Variants in FCHSD1 observed in about 807,000 individuals in gnomAD.
The protein encoded by FCHSD1 is F-BAR and double SH3 domains protein 1.
FCHSD1 carries 109 observed loss-of-function variants against 101.3 expected under a neutral mutation model. The observed-to-expected ratio is 1.08, with a 90% CI of 0.92 to 1.26. FCHSD1 has a LOEUF of 1.26. FCHSD1 is among the 50% of genes most tolerant of loss of function. The pLI is 0.00. For synonymous variants in FCHSD1, 291 were observed against 356.8 expected, an observed-to-expected ratio of 0.82 and a Z score of 2.08; for missense variants, 820 against 895.8, an observed-to-expected ratio of 0.92 and a Z score of 1.08.
rs748099162 is a variant in FCHSD1 at position 141,639,475 on chromosome 5, C to T, written c.*2023G>A. The T allele has an allele frequency of 6.2e-7, 1 of 1,611,494 alleles. No individual in the cohort carries two copies. The highest frequency in any genetic ancestry group is 1.3e-5 in the African/African-American group (1 of 74,832). ...TCCCTGCTGTCCAGTGTGGATGCCACCTCCAGCCTGCAGGACGGAGCCCCC... is the reference window on the plus strand; with the variant it reads ...TCCCTGCTGTCCAGTGTGGATGCCATCTCCAGCCTGCAGGACGGAGCCCCC... On this transcript the variant is annotated 3_prime_UTR_variant, in exon 20 of 20. Transcript: ENST00000435817. This position sits in a 1 kb window ranked among gnomAD's most constrained non-coding sequence, Gnocchi z 4.4.
chr5:141,647,368 G>C (rs776277868), intron 9 of FCHSD1, 30 bp downstream of exon 9: 2 of 1,577,516 alleles, frequency 1.3e-6, no homozygotes, highest in African/African-American at 1.4e-5. Context: ...AAGGATCCCC[G>C]GGGAAGCTCT....
At chr5:141,643,315 C>T (rs468650) in intron 17 of FCHSD1, among the ~76,000 whole-genome samples, 26,326 of 151,850 alleles carry the variant, frequency 0.17, 2,868 homozygotes, top group African/African-American at 0.31. Flanking sequence ...TCACGTGTAC[C>T]AATTCATTCA....
At chr5:141,644,514 A>T (rs1241400555) in intron 16 of FCHSD1, 59 bp downstream of exon 16, 4 of 1,608,546 alleles carry the variant, frequency 2.5e-6, no homozygotes, top group Non-Finnish European at 3.4e-6. Flanking sequence ...CAGGGCTACA[A>T]CCCCTAACAA....
chr5:141,640,928 G>A lies in FCHSD1; in HGVS notation c.*570C>T. On this transcript the variant is annotated 3_prime_UTR_variant, in exon 20 of 20. Transcript: ENST00000435817. ...TCCATATGATAGAGCGTGGCAGCTG[G>A]GAGCAGGCCCCTGCCCGTGGTGGGC... is the stretch of plus-strand genomic sequence containing the variant. 3.8e-6 allele frequency: 2 copies of A among 525,992 alleles called. No homozygotes were observed. The highest frequency in any genetic ancestry group is 3.4e-6 in the Non-Finnish European group (1 of 298,500). The allele number at this position is 525,992 out of a possible 1,614,324, so 32.6% of individuals were successfully genotyped here. A position where few individuals can be genotyped will look rare whatever the true frequency, so the allele number is the denominator to read the frequency against.
chr5:141,647,253 G>C (rs1254200204), intron 9 of FCHSD1, 23 bp from the exon 10 acceptor site: 1 of 1,591,206 alleles, frequency 6.3e-7, no homozygotes, highest in Admixed American at 1.8e-5. Context: ...AAAAGTCAAA[G>C]TCACTCATTC....
chr5:141,646,305 A>G (rs949176321), intron 11 of FCHSD1, 114 bp from the exon 12 acceptor site: 4 of 1,083,108 alleles, frequency 3.7e-6, no homozygotes, highest in Admixed American at 2.0e-5. Flanking sequence ...AATCTTCCCT[A>G]TGAGGTGGGT....
At chr5:141,644,025 A>AC (rs893502990) in intron 17 of FCHSD1, among the ~76,000 whole-genome samples, 193 bp downstream of exon 17, 9 of 151,858 alleles carry the variant, frequency 5.9e-5, no homozygotes, top group African/African-American at 9.7e-5. Flanking sequence ...CTAAAGTAGG[A>AC]CCCCCCAAAC....
chr5:141,644,658 G>C lies in FCHSD1; in HGVS notation c.1557C>G (p.Val519=). 3 of 1,613,922 alleles carry C rather than the reference G, an allele frequency of 1.9e-6. No individual in the cohort carries two copies. The highest frequency in any genetic ancestry group is 2.5e-6 in the Non-Finnish European group (3 of 1,179,858). ...CCGGGAAGTTGAGATATCGCTCAGG[G>C]ACAAAGCCTACCTCGCCGTGCTGGT... ...ARNQHGEVGF[V]PERYLNFPDL... is the part of the protein sequence containing the mutation. Residue 519 remains valine, a synonymous_variant, in exon 16 of 20, where the codon GTC becomes GTG. Coordinates refer to ENST00000435817, the MANE Select transcript of FCHSD1 (RefSeq NM_033449.3).
rs374637225 is a variant in FCHSD1 at position 141,649,952 on chromosome 5, T to G, written c.168A>C (p.Ala56=). ...GGAATGGGCCAGCCAGTTTCTGGAG[T>G]GCCTGGTGAAAAAGCCATCACAGAA... is the stretch of plus-strand genomic sequence containing the variant. ...RAAIEREYGQ[A]LQKLAGPFLK... Residue 56 remains alanine, a splice_region_variant and synonymous_variant, in exon 4 of 20, where the codon GCA becomes GCC. Transcript: ENST00000435817. This position sits in a 1 kb window ranked among gnomAD's most constrained non-coding sequence, Gnocchi z 4.1. 1 of 1,541,134 alleles carries G rather than the reference T, an allele frequency of 6.5e-7. No individual in the cohort carries two copies. Among genetic ancestry groups the G allele is most frequent in the Non-Finnish European group, 8.7e-7 (1 of 1,145,270 alleles).
Position 141,646,727 on chromosome 5 carries a change from ATGGGTC to A in FCHSD1, c.925-11_925-6del. On this transcript the variant is annotated splice_region_variant and splice_polypyrimidine_tract_variant and intron_variant, in intron 10 of 19. Coordinates refer to ENST00000435817, the MANE Select transcript of FCHSD1 (RefSeq NM_033449.3). The stretch of plus-strand genomic sequence containing the variant: ...TCCCCACTCCAGGACACACACCTGA[ATGGGTC>A]AGGGGGTGCTGTGAGGAGGACCTGA... The A allele has an allele frequency of 6.2e-7, 1 of 1,611,998 alleles. No homozygotes were observed. Among genetic ancestry groups the A allele is most frequent in the Middle Eastern group, 1.7e-4 (1 of 6,060 alleles).
Position 141,648,046 on chromosome 5 carries a change from A to G in FCHSD1, c.627T>C (p.Asn209=), listed in dbSNP as rs374341297. 1.2e-6 allele frequency: 2 copies of G among 1,613,608 alleles called. No individual in the cohort carries two copies. Among genetic ancestry groups the G allele is most frequent in the East Asian group, 4.5e-5 (2 of 44,870 alleles). The change falls in exon 8 of 20, where the codon AAT becomes AAC. Residue 209 remains asparagine (N), a synonymous_variant. Transcript: ENST00000435817. The part of the protein sequence containing the change: ...QYSQQLQAAR[N]EYLLNLVATN... ...TAGCCACCAAGTTAAGCAGGTACTC[A>G]TTGCGGGCTGCTTGCAGCTGCTGGG...
chr5:141,648,045 C>T lies in FCHSD1; in HGVS notation c.628G>A (p.Glu210Lys). ...GTAGCCACCAAGTTAAGCAGGTACTCATTGCGGGCTGCTTGCAGCTGCTGG... is the reference window on the plus strand; with the variant it reads ...GTAGCCACCAAGTTAAGCAGGTACTTATTGCGGGCTGCTTGCAGCTGCTGG... ...YSQQLQAARN[E>K]YLLNLVATNA... is the part of the protein sequence containing the mutation. The change falls in exon 8 of 20, where the codon GAG (glutamate) becomes AAG (lysine). Residue 210 changes from glutamate (E) to lysine (K), a missense_variant. By Grantham distance (56) the Glu-to-Lys change is moderately conservative. Coordinates refer to ENST00000435817, the MANE Select transcript of FCHSD1 (RefSeq NM_033449.3). 4 of 1,613,602 alleles carry T rather than the reference C, an allele frequency of 2.5e-6. No individual in the cohort carries two copies. The highest frequency in any genetic ancestry group is 3.4e-6 in the Non-Finnish European group (4 of 1,179,728).
At position 141,646,182 on chromosome 5, in the gene FCHSD1, G is replaced by A. The variant is rs761267623; in HGVS notation, c.1054C>T (p.Arg352Ter). The A allele has an allele frequency of 6.7e-5, 108 of 1,604,528 alleles. No homozygotes were observed. The highest frequency in any genetic ancestry group is 1.6e-4 in the Middle Eastern group (1 of 6,074). The change falls in exon 12 of 20, where the codon CGA becomes TGA. Residue 352 changes from arginine (R) to a stop codon, truncating the protein, a stop_gained. Transcript: ENST00000435817. LOFTEE classifies it high-confidence loss of function. ...IQNHGHRVLQ[R>*]LEQRRQQASE... ...GCCTGCTGCCGCCTCTGCTCCAGTCGTTGCAGTACCTGGTTGGGAAGGCAG... is the reference window on the plus strand; with the variant it reads ...GCCTGCTGCCGCCTCTGCTCCAGTCATTGCAGTACCTGGTTGGGAAGGCAG...
Position 141,649,483 on chromosome 5 carries a change from C to G in FCHSD1, c.287G>C (p.Gly96Ala), listed in dbSNP as rs569885781. 2.4e-5 allele frequency: 39 copies of G among 1,613,834 alleles called. No individual in the cohort carries two copies. The South Asian group carries it at 4.1e-4, about 17-fold the overall frequency. ...WRCLLDATVA[G>A]GQTRLQASDR... The stretch of plus-strand genomic sequence containing the variant: ...AGACGCCTGGAGTCGGGTTTGGCCC[C>G]CAGCCACGGTGGCATCCAGCAGGCA... Residue 96 changes from glycine (G) to alanine (A), a missense_variant, in exon 5 of 20, where the codon GGG becomes GCG. Coordinates refer to ENST00000435817, the MANE Select transcript of FCHSD1 (RefSeq NM_033449.3). The surrounding 1 kb of genome is among the most constrained non-coding windows in gnomAD (Gnocchi z 4.1).
In FCHSD1 at chr5:141,644,349, G is replaced by A. The variant is rs766658544; in HGVS notation, c.1732C>T (p.Arg578Trp). Residue 578 changes from arginine (R) to tryptophan (W), a missense_variant, in exon 17 of 20, where the codon CGG becomes TGG. Physicochemically the swap from Arg to Trp is moderately radical, Grantham distance 101. Coordinates refer to ENST00000435817, the MANE Select transcript of FCHSD1 (RefSeq NM_033449.3). ...PEGALIRLLP[R>W]AQDGVDDGFW... ...CCGTCATCTACTCCATCTTGGGCCC[G>A]GGGCAGCAGACGGATGAGTGCCCCC... is the stretch of plus-strand genomic sequence containing the variant. 2.0e-5 allele frequency: 33 copies of A among 1,613,816 alleles called. 1 individual carries two copies. Among genetic ancestry groups the A allele is most frequent in the Admixed American group, 6.7e-5 (4 of 59,996 alleles).
chr5:141,651,404 G>T lies in FCHSD1; in HGVS notation c.-36C>A. Reference sequence around the variant, plus strand: ...GCAAGGCGGTCAGCCACTGGACTCCGGAACTGGAGGAAGCCCCGCCCACTA... The same window carrying T: ...GCAAGGCGGTCAGCCACTGGACTCCTGAACTGGAGGAAGCCCCGCCCACTA... On this transcript the variant is annotated 5_prime_UTR_variant, in exon 1 of 20. Coordinates refer to ENST00000435817, the MANE Select transcript of FCHSD1 (RefSeq NM_033449.3). 1 of 1,550,580 alleles carries T rather than the reference G, an allele frequency of 6.4e-7. No individual in the cohort carries two copies. The highest frequency in any genetic ancestry group is 8.7e-7 in the Non-Finnish European group (1 of 1,146,854).
At position 141,645,457 on chromosome 5, in the gene FCHSD1, A is replaced by T. The variant is rs1228318164; in HGVS notation, c.1312-309T>A. On this transcript the variant is annotated intron_variant, in intron 13 of 19. Transcript: ENST00000435817. ...AACTATTAACCTCACTTTATTTACA[A>T]GGAAACTGGGGTTCAGAAAGGTTAA... is the stretch of plus-strand genomic sequence containing the variant. Among the ~76,000 whole-genome samples the T allele has an allele frequency of 6.6e-5, 10 of 152,342 alleles. No individual in the cohort carries two copies. In the East Asian group the frequency reaches 1.9e-3, roughly 29 times the overall value.
At position 141,650,979 on chromosome 5, in the gene FCHSD1, C is replaced by A. The variant is rs563476939; in HGVS notation, c.119+41G>T. ...TATATTGGGGAGAAGTGGCGCACAA[C>A]GACGAAGGTGAGTGTAAATGAAGGG... On this transcript the variant is annotated intron_variant, in intron 2 of 19. Coordinates refer to ENST00000435817, the MANE Select transcript of FCHSD1 (RefSeq NM_033449.3). 5 of 1,529,966 alleles carry A rather than the reference C, an allele frequency of 3.3e-6. No homozygotes were observed. The South Asian group carries it at 4.8e-5, about 15-fold the overall frequency. 94.8% of individuals were successfully genotyped at this position (1,529,966 alleles called of 1,614,324 possible).
At chr5:141,647,278 C>T in intron 9 of FCHSD1, 48 bp from the exon 10 acceptor site, 2 of 1,574,468 alleles carry the variant, frequency 1.3e-6, no homozygotes, top group Non-Finnish European at 1.7e-6. Flanking sequence ...ACTCACTCTC[C>T]AACCCTGTCC....
Sources: allele counts gnomAD v4.1 joint callset (sites outside exome capture counted in the v4.1 genomes callset), GRCh38; gene constraint gnomAD v4.1.1; non-coding constraint Gnocchi (gnomAD v3.1); transcripts MANE v1.5; gene names NCBI Gene and HGNC (gene_info 2026-07-23, HGNC 2026-07-21).